Variants in PCDHGA5 observed in about 807,000 individuals in gnomAD.
The protein encoded by PCDHGA5 is protocadherin gamma-A5.
PCDHGA5 carries 36 observed loss-of-function variants against 56.7 expected under a neutral mutation model. That is an observed-to-expected ratio of 0.64 (90% confidence interval 0.49 to 0.84). The LOEUF is 0.84. PCDHGA5 is among the 40% of genes least tolerant of loss of function. The probability of loss-of-function intolerance (pLI) is 0.00; values close to 1 mark genes in which losing one functional copy is unlikely to be tolerated. For synonymous variants in PCDHGA5, 563 were observed against 520.2 expected (o/e 1.08, Z -1.12); for missense variants, 1,305 against 1,201.5 (o/e 1.09, Z -1.27).
At chr5:141,374,927 G>A (rs754203986) in intron 1 of PCDHGA5, 1 of 1,613,960 alleles carries the variant, frequency 6.2e-7, no homozygotes, top group Non-Finnish European at 8.5e-7. Flanking sequence ...TTATTCCTTT[G>A]TGAAGATTAC....
rs532087470 is a variant in PCDHGA5, at chr5:141,414,020, C to T, written c.2421+47269C>T. 9 of 1,612,620 alleles carry T rather than the reference C, an allele frequency of 5.6e-6. No homozygotes were observed. The East Asian group carries it at 1.8e-4, about 32-fold the overall frequency. The stretch of plus-strand genomic sequence containing the variant: ...GACGAAGGTGCCAATGGAGAAGTGA[C>T]ATATTCATTCCGAAAATTACCTGAC... On this transcript the variant is annotated intron_variant, in intron 1 of 3. Transcript: ENST00000518069.
Position 141,370,908 on chromosome 5 carries a change from C to G in PCDHGA5, c.2421+4157C>G, listed in dbSNP as rs372602970. ...TGTCAATTCGCTGCAGCAGTACTACCTCAGCCCTGATCCGCACTTCTCTTT... is the reference window on the plus strand; with the variant it reads ...TGTCAATTCGCTGCAGCAGTACTACGTCAGCCCTGATCCGCACTTCTCTTT... On this transcript the variant is annotated intron_variant, in intron 1 of 3. Transcript: ENST00000518069. 2.5e-6 allele frequency: 4 copies of G among 1,614,028 alleles called. No homozygotes were observed. The Admixed American group carries it at 6.7e-5, about 27-fold the overall frequency.
chr5:141,454,998 G>C (rs909142112), intron 1 of PCDHGA5, among the ~76,000 whole-genome samples: 27 of 151,220 alleles, frequency 1.8e-4, no homozygotes, highest in African/African-American at 5.8e-4. Context: ...ATTTTTAGTA[G>C]AGACGGGGTT....
In PCDHGA5 at chr5:141,384,438, C is replaced by G. The variant is rs758290868; in HGVS notation, c.2421+17687C>G. The G allele has an allele frequency of 4.6e-5, 74 of 1,613,902 alleles. No homozygotes were observed. In the South Asian group the frequency reaches 7.5e-4, roughly 16 times the overall value. Reference sequence around the variant, plus strand: ...TCTCCATAAACTCTGACACTGGAGTCCTGTACGCGCTGCAATCCTTTGATT... The same window carrying G: ...TCTCCATAAACTCTGACACTGGAGTGCTGTACGCGCTGCAATCCTTTGATT... On this transcript the variant is annotated intron_variant, in intron 1 of 3. Coordinates refer to ENST00000518069, the MANE Select transcript of PCDHGA5 (RefSeq NM_018918.3).
intron 1 of PCDHGA5, among the ~76,000 whole-genome samples, chr5:141,453,067 C>T (rs1227122711): frequency 1.3e-5 from 2 of 152,024 alleles, no homozygotes; most frequent in Admixed American, 6.6e-5. Flanking sequence ...AGAGTTTTGC[C>T]ACACTCTGGT....
intron 1 of PCDHGA5, among the ~76,000 whole-genome samples, chr5:141,480,115 G>A (rs1164458958): frequency 6.6e-6 from 1 of 152,110 alleles, no homozygotes; most frequent in African/African-American, 2.4e-5. Flanking sequence ...CATGGTGCCT[G>A]GCATATCATA....
intron 1 of PCDHGA5, among the ~76,000 whole-genome samples, chr5:141,456,745 A>T (rs573105679): frequency 6.6e-6 from 1 of 151,920 alleles, no homozygotes; most frequent in South Asian, 2.1e-4. Context: ...CGGGAGCATC[A>T]TGAGGTCAGG....
At chr5:141,503,679 G>A (rs562303239) in intron 2 of PCDHGA5, among the ~76,000 whole-genome samples, 1 of 152,054 alleles carries the variant, frequency 6.6e-6, no homozygotes, top group East Asian at 1.9e-4. Context: ...CCACTTTTGG[G>A]AAGGAGAATT....
chr5:141,422,686 C>T, intron 1 of PCDHGA5: 1 of 1,605,000 alleles, frequency 6.2e-7, no homozygotes, highest in East Asian at 2.2e-5. Flanking sequence ...ACAGAATGCC[C>T]TGGTCACTTA....
At chr5:141,508,879 G>A (rs2547559) in intron 3 of PCDHGA5, among the ~76,000 whole-genome samples, 2 of 152,070 alleles carry the variant, frequency 1.3e-5, no homozygotes, top group East Asian at 3.9e-4. Context: ...AGAGGCTGAC[G>A]GCTGGAGGGG....
chr5:141,463,764 G>A (rs2099069094), intron 1 of PCDHGA5, among the ~76,000 whole-genome samples: 1 of 151,916 alleles, frequency 6.6e-6, no homozygotes. Flanking sequence ...TTCTCTTATG[G>A]GTTAGAATCC....
At position 141,364,871 on chromosome 5, in the gene PCDHGA5, G is replaced by A. The variant is rs775321480; in HGVS notation, c.541G>A (p.Asp181Asn). The change falls in exon 1 of 4, where the codon GAT becomes AAT. Residue 181 changes from aspartate to asparagine, a missense_variant. Asp to Asn is a conservative substitution (Grantham distance 23). Coordinates refer to ENST00000518069, the MANE Select transcript of PCDHGA5 (RefSeq NM_018918.3). ...CAGCTCCAATCTGCACTTCTCTCTG[G>A]ATGTGGTAAGCGGAACTGATGGACA... is the stretch of plus-strand genomic sequence containing the variant. Reference protein sequence around the residue: ...QLSSNLHFSLDVVSGTDGQKY... With the variant: ...QLSSNLHFSLNVVSGTDGQKY... 1.2e-6 allele frequency: 2 copies of A among 1,614,010 alleles called. No homozygotes were observed. Among genetic ancestry groups the A allele is most frequent in the Admixed American group, 1.7e-5 (1 of 60,024 alleles).
At chr5:141,369,815 G>A (rs1204825120) in intron 1 of PCDHGA5, among the ~76,000 whole-genome samples, 2 of 152,150 alleles carry the variant, frequency 1.3e-5, no homozygotes, top group South Asian at 2.1e-4. Flanking sequence ...ACCAAAAATA[G>A]CTTCCATTTG....
rs745638360 is a variant in PCDHGA5, at chr5:141,410,529, A to G, written c.2421+43778A>G. Reference sequence around the variant, plus strand: ...AAATGCAGTGTGCCCCTACATTCCAATGAAGACATGGTTTGCAGTGTTTCT... The same window carrying G: ...AAATGCAGTGTGCCCCTACATTCCAGTGAAGACATGGTTTGCAGTGTTTCT... On this transcript the variant is annotated intron_variant, in intron 1 of 3. Transcript: ENST00000518069. The G allele has an allele frequency of 3.1e-6, 5 of 1,613,804 alleles. No individual in the cohort carries two copies. The Admixed American group carries it at 5.0e-5, about 16-fold the overall frequency.
intron 1 of PCDHGA5, chr5:141,375,548 T>C (rs748936121): frequency 1.1e-5 from 17 of 1,613,892 alleles, no homozygotes; most frequent in Non-Finnish European, 9.3e-6. Flanking sequence ...CCAAGTCTCC[T>C]ACTCACTGGC....
chr5:141,438,617 TATATATATATATATATATACAC>T (rs1342425883), intron 1 of PCDHGA5, among the ~76,000 whole-genome samples: 18 of 37,162 alleles, frequency 4.8e-4, no homozygotes, highest in Admixed American at 2.0e-3. Flanking sequence ...TATATATATA[TATATATATATATATATATACAC>T]ACACACACAC....
In PCDHGA5 at chr5:141,476,650, A is replaced by G. The variant is rs2099395609; in HGVS notation, c.2422-18157A>G. 6.2e-7 allele frequency: 1 copy of G among 1,614,126 alleles called. No individual in the cohort carries two copies. The highest frequency in any genetic ancestry group is 1.3e-5 in the African/African-American group (1 of 74,952). On this transcript the variant is annotated intron_variant, in intron 1 of 3. Transcript: ENST00000518069. This position sits in a 1 kb window ranked among gnomAD's most constrained non-coding sequence, Gnocchi z 7.6. Reference sequence around the variant, plus strand: ...AAACCTATGAGCTGAGCCGAAATGAATACTTTGCGCTTCGCGTGCAGACGC... The same window carrying G: ...AAACCTATGAGCTGAGCCGAAATGAGTACTTTGCGCTTCGCGTGCAGACGC...
intron 1 of PCDHGA5, chr5:141,428,048 G>A: frequency 6.2e-7 from 1 of 1,608,900 alleles, no homozygotes; most frequent in Admixed American, 1.7e-5. Context: ...TGGTGACCAA[G>A]GTGGTGGCGG....
At chr5:141,390,553 A>G in intron 1 of PCDHGA5, 3 of 476,468 alleles carry the variant, frequency 6.3e-6, no homozygotes, top group Non-Finnish European at 1.1e-5. Context: ...TGAAAGTGTT[A>G]GACAGTTGTT....
Sources: gnomAD v4.1 joint callset for allele counts (sites outside exome capture counted in the v4.1 genomes callset) on GRCh38, gnomAD v4.1.1 for gene constraint, Gnocchi (gnomAD v3.1) non-coding constraint, MANE v1.5 for transcripts, NCBI Gene and HGNC (gene_info 2026-07-23, HGNC 2026-07-21) for gene names.